The following PTPRG variants were observed in gnomAD, a reference collection of about 807,000 sequenced individuals.
PTPRG encodes protein tyrosine phosphatase receptor type G.
PTPRG carries 102 observed loss-of-function variants against 165.3 expected under a neutral mutation model. That is an observed-to-expected ratio of 0.62 (90% CI 0.53 to 0.73). PTPRG has a LOEUF of 0.73. Among genes scored for constraint, PTPRG ranks in the 30% least tolerant of loss-of-function variants. The probability of loss-of-function intolerance (pLI) is 0.00; values close to 1 mark genes in which losing one functional copy is unlikely to be tolerated. For synonymous variants in PTPRG, 675 were observed against 669.5 expected (o/e 1.01, Z -0.13); for missense variants, 1,866 against 1,861.4 (o/e 1.00, Z -0.05).
intron 2 of PTPRG, among the ~76,000 whole-genome samples, chr3:61,821,803 G>C (rs562890992): frequency 1.3e-5 from 2 of 152,282 alleles, no homozygotes; most frequent in South Asian, 4.1e-4. Context: ...CATGCTAAGC[G>C]CTTTACTAGT....
At chr3:61,657,327 A>G (rs1423018591) in intron 1 of PTPRG, among the ~76,000 whole-genome samples, 3 of 152,106 alleles carry the variant, frequency 2.0e-5, no homozygotes, top group Non-Finnish European at 4.4e-5. Flanking sequence ...GTTAAGTTTT[A>G]TAACCAGTTT....
intron 2 of PTPRG, among the ~76,000 whole-genome samples, chr3:61,829,405 C>T (rs2036206876): frequency 6.6e-6 from 1 of 152,210 alleles, no homozygotes; most frequent in Non-Finnish European, 1.5e-5. Flanking sequence ...CCAAACAGGC[C>T]TCTGTCGAGG....
At chr3:62,128,005 G>C (rs1296441208) in intron 5 of PTPRG, among the ~76,000 whole-genome samples, 2 of 152,164 alleles carry the variant, frequency 1.3e-5, no homozygotes, top group Non-Finnish European at 2.9e-5. Context: ...GCGTTTATGT[G>C]AATTTGGCCT....
At position 61,902,463 on chromosome 3, in the gene PTPRG, C is replaced by T. The variant is rs186781464; in HGVS notation, c.191-87162C>T. 4.3e-3 allele frequency among the ~76,000 whole-genome samples: 649 copies of T among 152,220 alleles called. 4 individuals are homozygous for T. The highest frequency in any genetic ancestry group is 6.5e-3 in the Non-Finnish European group (439 of 68,000). The stretch of plus-strand genomic sequence containing the variant: ...GTATTAAGATTCATCAAATGGAAGA[C>T]GCCCTTGAATGTAAGACCTGCTATC... On this transcript the variant is annotated intron_variant, in intron 2 of 29. Transcript: ENST00000474889.
chr3:62,077,298 A>G (rs1701421148), intron 4 of PTPRG, among the ~76,000 whole-genome samples: 1 of 152,004 alleles, frequency 6.6e-6, no homozygotes, highest in African/African-American at 2.4e-5. Context: ...AAAACAAACC[A>G]TAATGCTAGC....
At chr3:61,816,228 A>G (rs916463941) in intron 2 of PTPRG, among the ~76,000 whole-genome samples, 2 of 152,138 alleles carry the variant, frequency 1.3e-5, no homozygotes, top group South Asian at 2.1e-4. Context: ...CTTGAACAGA[A>G]TTTCAAAAAC....
intron 1 of PTPRG, among the ~76,000 whole-genome samples, chr3:61,641,288 G>A (rs1387511394): frequency 2.0e-5 from 3 of 152,228 alleles, no homozygotes; most frequent in African/African-American, 2.4e-5. Flanking sequence ...CTCTGGGGAT[G>A]CAGCAGTGAA....
At chr3:61,842,928 A>G (rs1361791607) in intron 2 of PTPRG, among the ~76,000 whole-genome samples, 3 of 152,204 alleles carry the variant, frequency 2.0e-5, no homozygotes, top group Non-Finnish European at 4.4e-5. Context: ...CTGAGATTTG[A>G]GAGCCTATTA....
chr3:62,065,842 C>G (rs1700993992), intron 4 of PTPRG, among the ~76,000 whole-genome samples: 1 of 152,122 alleles, frequency 6.6e-6, no homozygotes. Flanking sequence ...ACCAGTTGAC[C>G]CAGCTAACCT....
chr3:61,974,272 C>T (rs778368898), intron 2 of PTPRG, among the ~76,000 whole-genome samples: 6 of 151,932 alleles, frequency 3.9e-5, no homozygotes, highest in Non-Finnish European at 7.3e-5. Flanking sequence ...AATCTTGCAA[C>T]GTTTATGTCA....
intron 2 of PTPRG, 35 bp from the exon 3 acceptor site, chr3:61,989,590 A>G: frequency 6.3e-7 from 1 of 1,598,948 alleles, no homozygotes; most frequent in Non-Finnish European, 8.5e-7. Flanking sequence ...TGACCCTTGA[A>G]CCATGAGGAT....
chr3:61,633,538 A>G (rs1701824531), intron 1 of PTPRG, among the ~76,000 whole-genome samples: 2 of 152,224 alleles, frequency 1.3e-5, no homozygotes, highest in Admixed American at 6.5e-5. Flanking sequence ...TTTATCTTGT[A>G]TCCTTCAACC....
In PTPRG at chr3:61,864,372, T is replaced by C. The variant is rs547746830; in HGVS notation, c.190+115390T>C. On this transcript the variant is annotated intron_variant, in intron 2 of 29. Coordinates refer to ENST00000474889, the MANE Select transcript of PTPRG (RefSeq NM_002841.4). ...TGGCATTGATCTCTAACGATGCCCA[T>C]GTATGATAGGTGGATAAGGGGACAG... Among the ~76,000 whole-genome samples, 7 of 152,250 alleles carry C rather than the reference T, an allele frequency of 4.6e-5. No individual in the cohort carries two copies. In the East Asian group the frequency reaches 1.4e-3, roughly 29 times the overall value.
At chr3:62,111,585 G>A (rs1435923388) in intron 5 of PTPRG, among the ~76,000 whole-genome samples, 2 of 152,126 alleles carry the variant, frequency 1.3e-5, no homozygotes, top group African/African-American at 4.8e-5. Flanking sequence ...AAGTAGCTGA[G>A]ACTACAGGCA....
intron 1 of PTPRG, among the ~76,000 whole-genome samples, chr3:61,719,352 C>T (rs1231207926): frequency 6.6e-6 from 1 of 152,170 alleles, no homozygotes; most frequent in Non-Finnish European, 1.5e-5. Context: ...GCGCCTTGGG[C>T]CTCTAACTGG....
At chr3:61,725,152 G>C (rs2032205161) in intron 1 of PTPRG, among the ~76,000 whole-genome samples, 1 of 152,068 alleles carries the variant, frequency 6.6e-6, no homozygotes, top group South Asian at 2.1e-4. Flanking sequence ...TTTTGTGTAA[G>C]TTGTGAGATT....
At chr3:61,905,254 C>T (rs1380401368) in intron 2 of PTPRG, among the ~76,000 whole-genome samples, 1 of 152,136 alleles carries the variant, frequency 6.6e-6, no homozygotes, top group Non-Finnish European at 1.5e-5. Context: ...AGGTTAGGGA[C>T]ATAGGGAGCT....
intron 2 of PTPRG, among the ~76,000 whole-genome samples, chr3:61,779,056 A>G (rs1316877913): frequency 6.6e-6 from 1 of 152,052 alleles, no homozygotes; most frequent in Non-Finnish European, 1.5e-5. Flanking sequence ...AGGAGGATTT[A>G]CACACACACA....
chr3:61,962,384 A>T (rs114933955), intron 2 of PTPRG, among the ~76,000 whole-genome samples: 2 of 152,192 alleles, frequency 1.3e-5, no homozygotes, highest in African/African-American at 4.8e-5. Context: ...TTGCTCCTGT[A>T]GTTGCATGGC....
Sources: allele counts gnomAD v4.1 joint callset (sites outside exome capture counted in the v4.1 genomes callset), GRCh38; gene constraint gnomAD v4.1.1; transcripts MANE v1.5; gene names NCBI Gene and HGNC (gene_info 2026-07-23, HGNC 2026-07-21).